Variants in ABCA13 observed in about 807,000 individuals in gnomAD.
ABCA13 encodes ATP-binding cassette sub-family A member 13.
Under a neutral mutation model 478.7 loss-of-function variants are expected in ABCA13, and 476 were observed. The ratio of observed to expected loss-of-function variants is 0.99; its 90% CI spans 0.92 to 1.07. ABCA13 has a LOEUF of 1.07. ABCA13 is among the 50% of genes least tolerant of loss of function. ABCA13 has a pLI of 0.00. For missense variants in ABCA13, 6,060 were observed against 5,910.6 expected (o/e 1.03, Z -0.83); for synonymous variants, 2,252 against 2,158.9 (o/e 1.04, Z -1.20).
At position 48,507,902 on chromosome 7, in the gene ABCA13, C is replaced by G; in HGVS notation, c.13377C>G (p.Ala4459=). The change falls in exon 50 of 62, where the codon GCC becomes GCG. Residue 4459 remains alanine (A), a synonymous_variant. Transcript: ENST00000435803. ...ILESIRQCGV[A]LCIVLGFSIL... is the part of the protein sequence containing the mutation. ...AGAGCATCCGTCAGTGTGGAGTGGCCCTCTGCATCGTGCTGGGATTCTCCA... is the reference window on the plus strand; with the variant it reads ...AGAGCATCCGTCAGTGTGGAGTGGCGCTCTGCATCGTGCTGGGATTCTCCA... 6.2e-7 allele frequency: 1 copy of G among 1,612,100 alleles called. No individual in the cohort carries two copies. Among genetic ancestry groups the G allele is most frequent in the African/African-American group, 1.3e-5 (1 of 75,016 alleles).
chr7:48,261,610 T>TTTAAAATACTTC (rs199620226), intron 15 of ABCA13, among the ~76,000 whole-genome samples: 2,179 of 152,090 alleles, frequency 0.014, 21 homozygotes, highest in Middle Eastern at 0.054. Flanking sequence ...CTTTAAAGAT[T>TTTAAAATACTTC]TTTTAAATCA....
chr7:48,531,222 C>G (rs1833209386), intron 55 of ABCA13, among the ~76,000 whole-genome samples: 1 of 152,064 alleles, frequency 6.6e-6, no homozygotes, highest in Non-Finnish European at 1.5e-5. Context: ...GCTAATTATC[C>G]CTGCACCATT....
intron 1 of ABCA13, among the ~76,000 whole-genome samples, chr7:48,176,829 A>G (rs1311885513): frequency 6.6e-6 from 1 of 152,200 alleles, no homozygotes; most frequent in East Asian, 1.9e-4. Context: ...AAAGAAACAT[A>G]TTCTTAAGTT....
chr7:48,230,965 T>C (rs1385133206), intron 7 of ABCA13, among the ~76,000 whole-genome samples: 2 of 152,030 alleles, frequency 1.3e-5, no homozygotes, highest in East Asian at 1.9e-4. Context: ...TGAGAATGCA[T>C]GGACACAGGG....
chr7:48,353,002 A>G (rs1160939631), intron 31 of ABCA13, among the ~76,000 whole-genome samples: 1 of 151,920 alleles, frequency 6.6e-6, no homozygotes, highest in East Asian at 1.9e-4. Flanking sequence ...GGAAGAGGGG[A>G]AGCTCAGTGA....
rs1383703506 is a variant in ABCA13 at position 48,411,299 on chromosome 7, C to CTTTTCTTTTCTTTTCTT, written c.12228+625_12228+641dup. On this transcript the variant is annotated intron_variant, in intron 40 of 61. Coordinates refer to ENST00000435803, the MANE Select transcript of ABCA13 (RefSeq NM_152701.5). ...TCCCTCCTCCTTCCTTCCTTCTTTT[C>CTTTTCTTTTCTTTTCTT]TTTTCTTTTCTTTTCTTTTCTTTTC... Among the ~76,000 whole-genome samples, 133 of 121,430 alleles carry CTTTTCTTTTCTTTTCTT rather than the reference C, an allele frequency of 1.1e-3. 4 individuals carry two copies. The highest frequency in any genetic ancestry group is 3.9e-3 in the African/African-American group (130 of 32,948). The allele number at this position is 121,430 out of a possible 152,430, so 79.7% of individuals were successfully genotyped here.
chr7:48,620,520 C>T (rs972733280), intron 59 of ABCA13, among the ~76,000 whole-genome samples: 10 of 152,162 alleles, frequency 6.6e-5, no homozygotes, highest in African/African-American at 1.9e-4. Context: ...CTGTGCAGCA[C>T]CCTCACCCCA....
intron 39 of ABCA13, among the ~76,000 whole-genome samples, chr7:48,408,921 A>G (rs1818629096): frequency 6.6e-6 from 1 of 151,948 alleles, no homozygotes; most frequent in Non-Finnish European, 1.5e-5. Flanking sequence ...CTTAACTCCC[A>G]CTTGTAAGTG....
chr7:48,544,902 G>A (rs1189821240), intron 55 of ABCA13, among the ~76,000 whole-genome samples: 2 of 151,842 alleles, frequency 1.3e-5, no homozygotes, highest in South Asian at 2.1e-4. Flanking sequence ...CAGGCAGATA[G>A]GGTCAGAATA....
At chr7:48,177,305 C>T (rs1222808174) in intron 1 of ABCA13, among the ~76,000 whole-genome samples, 1 of 152,204 alleles carries the variant, frequency 6.6e-6, no homozygotes, top group Non-Finnish European at 1.5e-5. Context: ...CCTGATCTCT[C>T]TCATAGTCAG....
At chr7:48,383,044 C>T (rs1004060417) in intron 35 of ABCA13, among the ~76,000 whole-genome samples, 2 of 152,132 alleles carry the variant, frequency 1.3e-5, no homozygotes, top group Non-Finnish European at 2.9e-5. Context: ...ACTGTGAGCC[C>T]TGGGAGATGA....
chr7:48,250,813 C>G (rs146634350), intron 15 of ABCA13, among the ~76,000 whole-genome samples: 3 of 152,264 alleles, frequency 2.0e-5, no homozygotes, highest in African/African-American at 7.2e-5. Flanking sequence ...ATTTCCATCT[C>G]TCCTTGGGAA....
In ABCA13 at chr7:48,278,889, T is replaced by C; in HGVS notation, c.7695T>C (p.Ser2565=). The stretch of plus-strand genomic sequence containing the variant: ...CTCTGTATTCCATCATGCAACAAAG[T>C]GTTCAAAATCTTGTGAAAGAAATAG... The part of the protein sequence containing the change: ...FDTLYSIMQQ[S]VQNLVKEIAT... Residue 2565 remains serine (S), a synonymous_variant, in exon 18 of 62, where the codon AGT becomes AGC. Transcript: ENST00000435803. The C allele has an allele frequency of 6.2e-7, 1 of 1,613,372 alleles. No individual in the cohort carries two copies. The highest frequency in any genetic ancestry group is 1.3e-5 in the African/African-American group (1 of 75,064).
intron 27 of ABCA13, among the ~76,000 whole-genome samples, chr7:48,326,182 T>C (rs1022031668): frequency 1.3e-5 from 2 of 152,130 alleles, no homozygotes. Context: ...ATGGGAGCCT[T>C]TTGGAAGCAG....
chr7:48,296,690 CTGACCTCATGATCCGCCCCCT>C (rs908810802), intron 21 of ABCA13, among the ~76,000 whole-genome samples: 2 of 152,078 alleles, frequency 1.3e-5, no homozygotes, highest in African/African-American at 4.8e-5. Flanking sequence ...TCTCCATCTC[CTGACCTCATGATCCGCCCCCT>C]TCGGCCTCCC....
Position 48,516,864 on chromosome 7 carries a change from A to G in ABCA13, c.13780A>G (p.Ile4594Val), listed in dbSNP as rs1199807270. ...LITIMPRLLA[I>V]ISKAKNLQNI... ...AACCATTATGCCCCGGTTGCTAGCCATCATCTCCAAAGCTAAGGTCAGTAG... is the reference window on the plus strand; with the variant it reads ...AACCATTATGCCCCGGTTGCTAGCCGTCATCTCCAAAGCTAAGGTCAGTAG... Residue 4594 changes from isoleucine (I) to valine (V), a missense_variant, in exon 52 of 62, where the codon ATC (isoleucine) becomes GTC (valine). Ile to Val is a conservative substitution (Grantham distance 29). Around this residue, in one of 3 missense-constraint regions of ABCA13, gnomAD observed 1,627 missense variants for 1,571.0 expected, o/e 1.04. Transcript: ENST00000435803. 3.1e-6 allele frequency: 5 copies of G among 1,613,498 alleles called. No homozygotes were observed. In the South Asian group the frequency reaches 4.4e-5, roughly 14 times the overall value.
At chr7:48,506,467 G>T in intron 49 of ABCA13, 77 bp downstream of exon 49, 1 of 1,534,048 alleles carries the variant, frequency 6.5e-7, no homozygotes, top group Non-Finnish European at 9.0e-7. Context: ...GGATGACTTT[G>T]GTCTCTCTTT....
intron 42 of ABCA13, among the ~76,000 whole-genome samples, chr7:48,428,668 T>A (rs931872866): frequency 6.6e-6 from 1 of 152,226 alleles, no homozygotes; most frequent in Non-Finnish European, 1.5e-5. Context: ...CTTAGTAGTA[T>A]CAGATTTGAA....
At chr7:48,302,322 A>C (rs1052911913) in intron 23 of ABCA13, among the ~76,000 whole-genome samples, 3 of 152,006 alleles carry the variant, frequency 2.0e-5, no homozygotes, top group African/African-American at 7.2e-5. Flanking sequence ...TTGGCAAAAT[A>C]TTTTTTCCTT....
Sources: gnomAD v4.1 joint callset for allele counts (sites outside exome capture counted in the v4.1 genomes callset) on GRCh38, gnomAD v4.1.1 for gene constraint, gnomAD v4.1.1 regional missense constraint, MANE v1.5 for transcripts, NCBI Gene and HGNC (gene_info 2026-07-23, HGNC 2026-07-21) for gene names.